The following SMG7 variants were observed in gnomAD, a reference collection of about 807,000 sequenced individuals.
SMG7 encodes the protein SMG7 nonsense mediated mRNA decay factor.
Under a neutral mutation model 148.2 loss-of-function variants are expected in SMG7, and 34 were observed. The ratio of observed to expected loss-of-function variants is 0.23; its 90% CI spans 0.17 to 0.31. The LOEUF (loss-of-function observed/expected upper bound fraction) is 0.31. Among genes scored for constraint, SMG7 ranks in the 10% least tolerant of loss-of-function variants. The probability of loss-of-function intolerance (pLI) is 1.00; values close to 1 mark genes in which losing one functional copy is unlikely to be tolerated. For missense variants in SMG7, 1,114 were observed against 1,408.4 expected, an observed-to-expected ratio of 0.79 and a Z score of 3.35; for synonymous variants, 492 against 515.1, an observed-to-expected ratio of 0.96 and a Z score of 0.61.
intron 1 of SMG7, among the ~76,000 whole-genome samples, chr1:183,511,891 A>C (rs190551342): frequency 6.6e-6 from 1 of 152,208 alleles, no homozygotes; most frequent in Non-Finnish European, 1.5e-5. Flanking sequence ...TTTGGGAGAA[A>C]GTTGTCATGG....
intron 1 of SMG7, among the ~76,000 whole-genome samples, chr1:183,506,777 AGG>A (rs1468514824): frequency 3.3e-5 from 5 of 152,026 alleles, no homozygotes; most frequent in South Asian, 4.1e-4. Context: ...TTCTGCTCAA[AGG>A]GGATTGGGAG....
chr1:183,495,873 A>G (rs1658366514), intron 1 of SMG7, among the ~76,000 whole-genome samples: 1 of 148,896 alleles, frequency 6.7e-6, no homozygotes, highest in Non-Finnish European at 1.5e-5. Context: ...TCTCAATGGA[A>G]AAAAAAAAAA....
chr1:183,475,277 TAGC>T (rs1651872268), intron 1 of SMG7, among the ~76,000 whole-genome samples: 1 of 152,156 alleles, frequency 6.6e-6, no homozygotes, highest in Non-Finnish European at 1.5e-5. Flanking sequence ...TCAGTAAACA[TAGC>T]AGTTAAATAT....
In SMG7 at chr1:183,545,103, C is replaced by G. The variant is rs1669681666; in HGVS notation, c.2161C>G (p.Gln721Glu). The G allele has an allele frequency of 1.2e-6, 2 of 1,614,000 alleles. No individual in the cohort carries two copies. Among genetic ancestry groups the G allele is most frequent in the Non-Finnish European group, 8.5e-7 (1 of 1,180,016 alleles). The change falls in exon 16 of 23, where the codon CAA (glutamine) becomes GAA (glutamate). Residue 721 changes from glutamine to glutamate, a missense_variant. This residue lies in a region of SMG7 where 788 missense variants were observed against 894.5 expected (regional missense o/e 0.88). Coordinates refer to ENST00000688051, the MANE Select transcript of SMG7 (RefSeq NM_001375584.1). ...ACAGTCCCACATTCCTTACAGCCAG[C>G]AACGGCCCTCTGGACCAGGGCCAAT... is the stretch of plus-strand genomic sequence containing the variant. Reference protein sequence around the residue: ...GKQSHIPYSQQRPSGPGPMNQ... With the variant: ...GKQSHIPYSQERPSGPGPMNQ...
chr1:183,530,650 A>C (rs1229924500), intron 8 of SMG7, among the ~76,000 whole-genome samples: 2 of 152,166 alleles, frequency 1.3e-5, no homozygotes, highest in Non-Finnish European at 2.9e-5. Flanking sequence ...TCCTGAAGTC[A>C]AAACTAAAAT....
chr1:183,492,041 C>T (rs1305676356), intron 1 of SMG7, among the ~76,000 whole-genome samples: 2 of 152,228 alleles, frequency 1.3e-5, no homozygotes, highest in African/African-American at 4.8e-5. Flanking sequence ...CTAAAGGCAT[C>T]ACCTCTTAAT....
At chr1:183,494,591 A>G (rs1657948556) in intron 1 of SMG7, among the ~76,000 whole-genome samples, 1 of 148,732 alleles carries the variant, frequency 6.7e-6, no homozygotes, top group Non-Finnish European at 1.5e-5. Context: ...CTCAGCTCTT[A>G]TGTTTCTAAA....
rs746790384 is a variant in SMG7, at chr1:183,545,964, A to G, written c.2371-2A>G. The G allele has an allele frequency of 6.4e-7, 1 of 1,573,442 alleles. No homozygotes were observed. The highest frequency in any genetic ancestry group is 8.6e-7 in the Non-Finnish European group (1 of 1,165,182). On this transcript the variant is annotated splice_acceptor_variant, in intron 16 of 22. Transcript: ENST00000688051. LOFTEE classifies it high-confidence loss of function. ...CCTTTATGACAGGCGTCTCTTTTTT[A>G]GTATCAACAGGCAGATGCCTCCAAA...
chr1:183,511,004 AT>A (rs1184606445), intron 1 of SMG7, among the ~76,000 whole-genome samples: 2 of 151,770 alleles, frequency 1.3e-5, no homozygotes, highest in Non-Finnish European at 2.9e-5. Flanking sequence ...AAAAAAAAAA[AT>A]GGAAATCTCA....
At chr1:183,485,952 C>A (rs746509588) in intron 1 of SMG7, among the ~76,000 whole-genome samples, 8 of 152,206 alleles carry the variant, frequency 5.3e-5, no homozygotes, top group Non-Finnish European at 8.8e-5. Flanking sequence ...GACAGCAAGA[C>A]TGTGGTTAAC....
chr1:183,531,021 A>T (rs1666755457), intron 8 of SMG7, among the ~76,000 whole-genome samples: 1 of 152,116 alleles, frequency 6.6e-6, no homozygotes, highest in African/African-American at 2.4e-5. Context: ...GGCAGTTTCT[A>T]AAATATACTT....
Position 183,544,250 on chromosome 1 carries a change from T to C in SMG7, c.1843-103T>C, listed in dbSNP as rs928121374. The C allele has an allele frequency of 3.6e-6, 3 of 823,506 alleles. No individual in the cohort carries two copies. In the African/African-American group the frequency reaches 5.1e-5, roughly 14 times the overall value. The allele number at this position is 823,506 out of a possible 1,614,324, so 51.0% of individuals were successfully genotyped here. On this transcript the variant is annotated intron_variant, in intron 14 of 22. Transcript: ENST00000688051. ...TTTAAATATCTTCAGCATGTACTTT[T>C]TGATCTAATGAGGTTTTAAATACTT...
intron 12 of SMG7, among the ~76,000 whole-genome samples, chr1:183,540,588 A>G (rs773193862): frequency 2.0e-4 from 30 of 152,322 alleles, no homozygotes; most frequent in Admixed American, 5.9e-4. Flanking sequence ...ATTTATTAAA[A>G]TAGGCACCTC....
At chr1:183,535,766 A>G (rs1232848284) in intron 10 of SMG7, among the ~76,000 whole-genome samples, 1 of 152,176 alleles carries the variant, frequency 6.6e-6, no homozygotes, top group African/African-American at 2.4e-5. Context: ...AAAGCAGTAT[A>G]TCATTAGGTA....
chr1:183,549,883 T>C lies in SMG7; in HGVS notation c.3093T>C (p.Phe1031=), dbSNP rs1277510594. ...APQETSLYSL[F]EGTPWSPSLP... is the part of the protein sequence containing the mutation. ...AGGAAACATCTCTGTATTCCCTTTT[T>C]GAAGGGACTCCGTGGTCTCCATCAC... Residue 1031 remains phenylalanine, a synonymous_variant, in exon 20 of 23, where the codon TTT becomes TTC. Coordinates refer to ENST00000688051, the MANE Select transcript of SMG7 (RefSeq NM_001375584.1). 3 of 1,613,768 alleles carry C rather than the reference T, an allele frequency of 1.9e-6. No individual in the cohort carries two copies. In the African/African-American group the frequency reaches 4.0e-5, roughly 22 times the overall value.
intron 1 of SMG7, among the ~76,000 whole-genome samples, chr1:183,508,635 A>C (rs770436259): frequency 5.3e-5 from 8 of 152,242 alleles, no homozygotes; most frequent in Middle Eastern, 3.2e-3. Context: ...ATAGTTGCTT[A>C]GGGGTGGGAA....
rs1489128050 is a variant in SMG7 at position 183,544,936 on chromosome 1, C to T, written c.1994C>T (p.Pro665Leu). ...GTGTTCTTCTGTTTTGAAGGGTTTC[C>T]GCCCCCAACATATGTTATCCCCCCG... Reference protein sequence around the residue: ...FPPLPSRPGFPPPTYVIPPPV... With the variant: ...FPPLPSRPGFLPPTYVIPPPV... Residue 665 changes from proline to leucine, a missense_variant, in exon 16 of 23, where the codon CCG (proline) becomes CTG (leucine). Coordinates refer to ENST00000688051, the MANE Select transcript of SMG7 (RefSeq NM_001375584.1). 5.6e-6 allele frequency: 9 copies of T among 1,611,916 alleles called. No individual in the cohort carries two copies. The highest frequency in any genetic ancestry group is 2.2e-5 in the East Asian group (1 of 44,832).
In SMG7 at chr1:183,553,254, TAGAA is replaced by T; in HGVS notation, c.*1325_*1328del. The stretch of plus-strand genomic sequence containing the variant: ...AAAGAGGACTGAAAATGTTCTTGTG[TAGAA>T]ACAGAAGGACAGCATTTCTGTTAGT... On this transcript the variant is annotated 3_prime_UTR_variant, in exon 23 of 23. Coordinates refer to ENST00000688051, the MANE Select transcript of SMG7 (RefSeq NM_001375584.1). 1 of 1,468,638 alleles carries T rather than the reference TAGAA, an allele frequency of 6.8e-7. No individual in the cohort carries two copies. Among genetic ancestry groups the T allele is most frequent in the Non-Finnish European group, 9.1e-7 (1 of 1,097,136 alleles). The allele number at this position is 1,468,638 out of a possible 1,614,324, so 91.0% of individuals were successfully genotyped here. A position where few individuals can be genotyped will look rare whatever the true frequency, so the allele number is the denominator to read the frequency against.
chr1:183,542,452 T>C lies in SMG7; in HGVS notation c.1792T>C (p.Cys598Arg), dbSNP rs1190882541. ...CAAGAGGAAAACTGAAACCAAGAAA[T>C]GCACCTTAGAAAAGTTACAGGAAAC... is the stretch of plus-strand genomic sequence containing the variant. Reference protein sequence around the residue: ...NNKRKTETKKCTLEKLQETGK... With the variant: ...NNKRKTETKKRTLEKLQETGK... The change falls in exon 14 of 23, where the codon TGC becomes CGC. Residue 598 changes from cysteine to arginine, a missense_variant. This residue lies in a region of SMG7 where 788 missense variants were observed against 894.5 expected (regional missense o/e 0.88). Coordinates refer to ENST00000688051, the MANE Select transcript of SMG7 (RefSeq NM_001375584.1). 4 of 1,613,786 alleles carry C rather than the reference T, an allele frequency of 2.5e-6. No homozygotes were observed. In the South Asian group the frequency reaches 3.3e-5, roughly 13 times the overall value.
Sources: gnomAD v4.1 joint callset for allele counts (sites outside exome capture counted in the v4.1 genomes callset) on GRCh38, gnomAD v4.1.1 for gene constraint, gnomAD v4.1.1 regional missense constraint, MANE v1.5 for transcripts, NCBI Gene and HGNC (gene_info 2026-07-23, HGNC 2026-07-21) for gene names.